Variants in NUP85 observed in about 807,000 individuals in gnomAD.
The protein encoded by NUP85 is nucleoporin 85.
Under a neutral mutation model 92.8 loss-of-function variants are expected in NUP85, and 23 were observed. The observed-to-expected ratio is 0.25, with a 90% CI of 0.18 to 0.35. NUP85 has a LOEUF of 0.35. NUP85 is among the 10% of genes least tolerant of loss of function. NUP85 has a pLI of 1.00. For synonymous variants in NUP85, 314 were observed against 306.9 expected, an observed-to-expected ratio of 1.02 and a Z score of -0.24; for missense variants, 759 against 822.8, an observed-to-expected ratio of 0.92 and a Z score of 0.95.
At chr17:75,210,936 C>T (rs2075239302) in intron 3 of NUP85, among the ~76,000 whole-genome samples, 1 of 150,222 alleles carries the variant, frequency 6.7e-6, no homozygotes, top group Admixed American at 6.7e-5. Flanking sequence ...CTCGTGACCT[C>T]GTGATCCACC....
chr17:75,212,087 C>CGCGT (rs1555660418), intron 4 of NUP85, 25 bp downstream of exon 4: 3 of 1,202,690 alleles, frequency 2.5e-6, no homozygotes, highest in African/African-American at 3.4e-5. Flanking sequence ...CGCGTGCGCG[C>CGCGT]GTGTGTGTGT....
At chr17:75,215,152 C>G (rs2075391287) in intron 5 of NUP85, among the ~76,000 whole-genome samples, 1 of 152,182 alleles carries the variant, frequency 6.6e-6, no homozygotes, top group Non-Finnish European at 1.5e-5. Flanking sequence ...GCTTGGGCAG[C>G]AAGAGCCAAA....
Position 75,205,705 on chromosome 17 carries a change from G to A in NUP85, c.-57G>A. ...TCTCGCAGCCAGCTCTGAGCGGGAG[G>A]CCTGAGCGGGAAGCATTGGCGTCCG... On this transcript the variant is annotated 5_prime_UTR_variant, in exon 1 of 19. Coordinates refer to ENST00000245544, the MANE Select transcript of NUP85 (RefSeq NM_024844.5). The A allele has an allele frequency of 6.2e-7, 1 of 1,607,322 alleles. No homozygotes were observed. Among genetic ancestry groups the A allele is most frequent in the African/African-American group, 1.3e-5 (1 of 74,936 alleles).
chr17:75,229,895 CATA>C (rs1166304374), intron 11 of NUP85, among the ~76,000 whole-genome samples: 2 of 152,122 alleles, frequency 1.3e-5, no homozygotes, highest in Non-Finnish European at 2.9e-5. Flanking sequence ...ATGGTTTCGA[CATA>C]ACCATCAGCT....
chr17:75,215,416 C>T (rs1424808385), intron 5 of NUP85, among the ~76,000 whole-genome samples: 1 of 152,164 alleles, frequency 6.6e-6, no homozygotes, highest in Non-Finnish European at 1.5e-5. Flanking sequence ...TGCCATGTTG[C>T]TCAAGCTGGT....
chr17:75,206,312 C>T (rs959100186), intron 1 of NUP85, among the ~76,000 whole-genome samples: 2 of 152,008 alleles, frequency 1.3e-5, no homozygotes, highest in Non-Finnish European at 2.9e-5. Context: ...AAAATTCACG[C>T]GCTTTATGTA....
At chr17:75,207,692 CT>C (rs1292022916) in intron 1 of NUP85, among the ~76,000 whole-genome samples, 4 of 151,616 alleles carry the variant, frequency 2.6e-5, no homozygotes, top group Non-Finnish European at 4.4e-5. Flanking sequence ...CTTGGTCAGG[CT>C]GGTCTCCAAA....
In NUP85 at chr17:75,218,195, C is replaced by T. The variant is rs2075488575; in HGVS notation, c.486C>T (p.Leu162=). 1 of 1,613,892 alleles carries T rather than the reference C, an allele frequency of 6.2e-7. No individual in the cohort carries two copies. The highest frequency in any genetic ancestry group is 1.1e-5 in the South Asian group (1 of 91,066). ...LFIEVAPAGP[L]LLHLLDWVRL... is the part of the protein sequence containing the mutation. ...AGTCTCTCCTCCCAGCTGGCCCTCT[C>T]CTCCTCCATCTCCTTGACTGGGTCC... The change falls in exon 7 of 19, where the codon CTC becomes CTT. Residue 162 remains leucine (L), a synonymous_variant. Coordinates refer to ENST00000245544, the MANE Select transcript of NUP85 (RefSeq NM_024844.5).
chr17:75,220,620 C>G (rs943273436), intron 7 of NUP85, among the ~76,000 whole-genome samples: 2 of 151,838 alleles, frequency 1.3e-5, no homozygotes, highest in African/African-American at 4.8e-5. Flanking sequence ...TGGCGTCTTT[C>G]TCTGTTGCCC....
intron 15 of NUP85, 24 bp downstream of exon 15, chr17:75,232,992 C>G (rs528584321): frequency 3.1e-6 from 5 of 1,613,526 alleles, no homozygotes; most frequent in East Asian, 2.2e-5. Context: ...GTGTTGGCTT[C>G]CCAGGGACTG....
chr17:75,206,091 AGT>A (rs1158646710), intron 1 of NUP85, among the ~76,000 whole-genome samples: 2 of 151,824 alleles, frequency 1.3e-5, no homozygotes, highest in African/African-American at 4.8e-5. Flanking sequence ...TGGGCATTAG[AGT>A]GGGTTCAGCC....
intron 1 of NUP85, 149 bp from the exon 2 acceptor site, chr17:75,208,378 G>A: frequency 1.6e-6 from 1 of 642,054 alleles, no homozygotes; most frequent in Non-Finnish European, 2.8e-6. Context: ...CCAGGAGGCG[G>A]CGATTGGAGC....
In NUP85 at chr17:75,225,788, A is replaced by G; in HGVS notation, c.946A>G (p.Asn316Asp). 1 of 1,614,156 alleles carries G rather than the reference A, an allele frequency of 6.2e-7. No individual in the cohort carries two copies. The highest frequency in any genetic ancestry group is 1.1e-5 in the South Asian group (1 of 91,086). ...CCTAGTGACTCGGCTCTTGTACTCC[A>G]ATCCCACAGTAAAACCCATTGATCT... ...HFLVTRLLYS[N>D]PTVKPIDLHY... is the part of the protein sequence containing the mutation. The change falls in exon 10 of 19, where the codon AAT becomes GAT. Residue 316 changes from asparagine to aspartate, a missense_variant. Physicochemically the swap from Asn to Asp is conservative, Grantham distance 23. Transcript: ENST00000245544.
In NUP85 at chr17:75,232,958, G is replaced by A. The variant is rs563333903; in HGVS notation, c.1504G>A (p.Val502Met). 20 of 1,614,162 alleles carry A rather than the reference G, an allele frequency of 1.2e-5. No homozygotes were observed. Among genetic ancestry groups the A allele is most frequent in the South Asian group, 6.6e-5 (6 of 91,092 alleles). Residue 502 changes from valine (V) to methionine (M), a missense_variant, in exon 15 of 19, where the codon GTG (valine) becomes ATG (methionine). Transcript: ENST00000245544. The part of the protein sequence containing the change: ...RAKDAAFATL[V>M]SDRFLRDYCE... ...TAAGGATGCCGCCTTTGCCACGCTC[G>A]TGTCAGACAGGTGGGTGCCGCTAGT...
chr17:75,215,126 A>G (rs1210662796), intron 5 of NUP85, among the ~76,000 whole-genome samples: 1 of 152,234 alleles, frequency 6.6e-6, no homozygotes, highest in Non-Finnish European at 1.5e-5. Context: ...AGCCAAGATT[A>G]TGCCACTGCA....
intron 2 of NUP85, 134 bp from the exon 3 acceptor site, chr17:75,209,689 G>A (rs2075198234): frequency 3.7e-5 from 23 of 619,410 alleles, no homozygotes. Flanking sequence ...TGATCTGCCT[G>A]CCTTGGCCTC....
chr17:75,228,840 G>A (rs906373473), intron 11 of NUP85: 1 of 985,346 alleles, frequency 1.0e-6, no homozygotes, highest in African/African-American at 1.7e-5. Context: ...AAGGCAGCCA[G>A]GGGATCCTGA....
chr17:75,218,094 G>A, intron 6 of NUP85, 91 bp from the exon 7 acceptor site: 1 of 1,554,812 alleles, frequency 6.4e-7, no homozygotes. Flanking sequence ...TAGTCAGCTT[G>A]TCTGCCTTAA....
intron 11 of NUP85, among the ~76,000 whole-genome samples, chr17:75,227,538 T>G (rs1470139705): frequency 6.6e-6 from 1 of 152,082 alleles, no homozygotes; most frequent in Non-Finnish European, 1.5e-5. Context: ...GGTTTCACCA[T>G]GTTGCCTAGG....
Sources: allele counts gnomAD v4.1 joint callset (sites outside exome capture counted in the v4.1 genomes callset), GRCh38; gene constraint gnomAD v4.1.1; transcripts MANE v1.5; gene names NCBI Gene and HGNC (gene_info 2026-07-23, HGNC 2026-07-21).